Variants in NKAIN2 observed in about 807,000 individuals in gnomAD.
NKAIN2 encodes sodium/potassium transporting ATPase interacting 2, also known as sodium/potassium-transporting ATPase subunit beta-1-interacting protein 2.
NKAIN2 carries 14 observed loss-of-function variants against 32.6 expected under a neutral mutation model. That is an observed-to-expected ratio of 0.43 (90% CI 0.28 to 0.67). NKAIN2 has a LOEUF of 0.67. NKAIN2 is among the 30% of genes least tolerant of loss of function. NKAIN2 has a pLI of 0.17. For missense variants in NKAIN2, 198 were observed against 258.3 expected (o/e 0.77, Z 1.60); for synonymous variants, 80 against 87.2 (o/e 0.92, Z 0.46).
Position 124,364,250 on chromosome 6 carries a change from A to AAAGAGAGAG in NKAIN2, c.273+8904_273+8905insAGAGAGAGA, listed in dbSNP as rs3054409. ...GGTTAAAAATACCAAAAAAAAAAAA[A>AAAGAGAGAG]AGAGAGAAAAGAATGTCAAAAACAT... On this transcript the variant is annotated intron_variant, in intron 3 of 6. Coordinates refer to ENST00000368417, the MANE Select transcript of NKAIN2 (RefSeq NM_001040214.3). 5.8e-3 allele frequency among the ~76,000 whole-genome samples: 807 copies of AAAGAGAGAG among 139,738 alleles called. 12 individuals carry two copies. Among genetic ancestry groups the AAAGAGAGAG allele is most frequent in the African/African-American group, 0.017 (645 of 37,438 alleles). The allele number at this position is 139,738 out of a possible 152,430, so 91.7% of individuals were successfully genotyped here.
chr6:124,616,626 G>C (rs1282061088), intron 3 of NKAIN2, among the ~76,000 whole-genome samples: 2 of 150,586 alleles, frequency 1.3e-5, no homozygotes, highest in Admixed American at 1.3e-4. Flanking sequence ...CACCACGCCC[G>C]GCTAATTTTT....
intron 1 of NKAIN2, among the ~76,000 whole-genome samples, chr6:123,920,379 A>G (rs564002011): frequency 6.6e-6 from 1 of 151,634 alleles, no homozygotes; most frequent in Non-Finnish European, 1.5e-5. Context: ...TTTTAAACTC[A>G]TACTTAGATT....
At chr6:124,762,874 C>G (rs1449340866) in intron 4 of NKAIN2, among the ~76,000 whole-genome samples, 1 of 152,126 alleles carries the variant, frequency 6.6e-6, no homozygotes, top group Non-Finnish European at 1.5e-5. Context: ...GGATTTCAGA[C>G]TAGAAAAGGT....
chr6:124,210,987 T>G (rs1457064971), intron 1 of NKAIN2, among the ~76,000 whole-genome samples: 1 of 150,410 alleles, frequency 6.6e-6, no homozygotes, highest in South Asian at 2.1e-4. Context: ...GTCAAATAAG[T>G]GTTGAAAGTG....
intron 2 of NKAIN2, among the ~76,000 whole-genome samples, chr6:124,319,248 T>G (rs1481326155): frequency 6.6e-6 from 1 of 152,144 alleles, no homozygotes; most frequent in Non-Finnish European, 1.5e-5. Context: ...AATTAGTTTC[T>G]AACTTCAAGC....
chr6:124,204,446 GA>G (rs1185601293), intron 1 of NKAIN2, among the ~76,000 whole-genome samples: 24 of 151,770 alleles, frequency 1.6e-4, no homozygotes, highest in Middle Eastern at 6.8e-3. Flanking sequence ...AAAAAAATAT[GA>G]AAAAATAAAT....
intron 1 of NKAIN2, among the ~76,000 whole-genome samples, chr6:123,941,130 T>C (rs940492881): frequency 4.0e-5 from 6 of 151,874 alleles, no homozygotes; most frequent in African/African-American, 7.2e-5. Flanking sequence ...AGGCCACCAA[T>C]AGCACTGTCC....
intron 4 of NKAIN2, among the ~76,000 whole-genome samples, chr6:124,677,990 T>G (rs1383558166): frequency 6.6e-6 from 1 of 152,126 alleles, no homozygotes; most frequent in African/African-American, 2.4e-5. Flanking sequence ...ATTTAGCATT[T>G]TTTGCTGGTA....
chr6:124,621,797 C>T (rs1783115965), intron 3 of NKAIN2, among the ~76,000 whole-genome samples: 1 of 152,094 alleles, frequency 6.6e-6, no homozygotes, highest in African/African-American at 2.4e-5. Context: ...GAAAATCTCT[C>T]CCAACTCTGC....
At chr6:124,659,594 G>T (rs1335157238) in intron 4 of NKAIN2, among the ~76,000 whole-genome samples, 1 of 152,008 alleles carries the variant, frequency 6.6e-6, no homozygotes, top group Non-Finnish European at 1.5e-5. Context: ...AGTCATGAAG[G>T]TTTCTTCTTG....
intron 1 of NKAIN2, among the ~76,000 whole-genome samples, chr6:123,902,699 T>A (rs543191341): frequency 6.6e-6 from 1 of 152,284 alleles, no homozygotes; most frequent in South Asian, 2.1e-4. Flanking sequence ...TAAAGAAGCA[T>A]CGATTTATTC....
rs115826740 is a variant in NKAIN2, at chr6:124,315,699, A to G, written c.192+32557A>G. On this transcript the variant is annotated intron_variant, in intron 2 of 6. Coordinates refer to ENST00000368417, the MANE Select transcript of NKAIN2 (RefSeq NM_001040214.3). ...TTTGTTCACCAAATGCATTGGAGAA[A>G]AGATATTATCCTGCTAGGTGTCCTT... 3.5e-3 allele frequency among the ~76,000 whole-genome samples: 540 copies of G among 152,280 alleles called. 6 individuals are homozygous for G. Among genetic ancestry groups the G allele is most frequent in the African/African-American group, 0.013 (520 of 41,572 alleles).
chr6:124,625,121 G>A (rs1161676741), intron 3 of NKAIN2, among the ~76,000 whole-genome samples: 3 of 89,908 alleles, frequency 3.3e-5, no homozygotes, highest in African/African-American at 8.9e-5. Context: ...TTTGCCCCCT[G>A]TCTTCCTGAC....
chr6:123,843,011 C>T, intron 1 of NKAIN2, among the ~76,000 whole-genome samples: 1 of 152,144 alleles, frequency 6.6e-6, no homozygotes, highest in East Asian at 1.9e-4. Flanking sequence ...CGAGCTGGGG[C>T]AAGTGCCTTT....
chr6:123,957,149 CA>C (rs1266570030), intron 1 of NKAIN2, among the ~76,000 whole-genome samples: 2 of 152,112 alleles, frequency 1.3e-5, no homozygotes, highest in African/African-American at 4.8e-5. Flanking sequence ...TAAAATCAAT[CA>C]TTTTTTATGC....
intron 4 of NKAIN2, among the ~76,000 whole-genome samples, chr6:124,700,061 A>T (rs909174175): frequency 1.1e-4 from 17 of 152,178 alleles, no homozygotes; most frequent in African/African-American, 3.6e-4. Flanking sequence ...ATACATAAAG[A>T]AGTGTGTATT....
chr6:123,968,759 G>A (rs1468310353), intron 1 of NKAIN2, among the ~76,000 whole-genome samples: 3 of 152,138 alleles, frequency 2.0e-5, no homozygotes, highest in Non-Finnish European at 4.4e-5. Context: ...GCCCCTGTTA[G>A]CCTTACAAAT....
intron 2 of NKAIN2, among the ~76,000 whole-genome samples, chr6:124,289,122 T>C (rs1169461038): frequency 1.3e-5 from 2 of 152,246 alleles, no homozygotes; most frequent in Admixed American, 1.3e-4. Flanking sequence ...ACTGTCATAA[T>C]AACCCTGCTT....
At chr6:123,838,245 A>C (rs1774713611) in intron 1 of NKAIN2, among the ~76,000 whole-genome samples, 1 of 152,162 alleles carries the variant, frequency 6.6e-6, no homozygotes, top group Non-Finnish European at 1.5e-5. Context: ...CCATAAGCCA[A>C]AGTCCTTAAG....
Sources: gnomAD v4.1 joint callset for allele counts (sites outside exome capture counted in the v4.1 genomes callset) on GRCh38, gnomAD v4.1.1 for gene constraint, MANE v1.5 for transcripts, NCBI Gene and HGNC (gene_info 2026-07-23, HGNC 2026-07-21) for gene names.